CNTN4: variants seen among roughly 807,000 people sequenced by gnomAD.
The protein encoded by CNTN4 is contactin 4, also known as contactin-4.
A neutral mutation model predicts 122.5 loss-of-function variants in CNTN4; 77 were observed. The observed-to-expected ratio is 0.63, with a 90% CI of 0.52 to 0.76. The LOEUF (loss-of-function observed/expected upper bound fraction) is 0.76. CNTN4 is among the 30% of genes least tolerant of loss of function. The pLI, the probability that CNTN4 is intolerant of heterozygous loss-of-function variation, is 0.00. For missense variants in CNTN4, 1,256 were observed against 1,259.1 expected (o/e 1.00, Z 0.04); for synonymous variants, 512 against 447.0 (o/e 1.15, Z -1.83).
intron 3 of CNTN4, among the ~76,000 whole-genome samples, chr3:2,445,254 G>A (rs563933244): frequency 6.6e-6 from 1 of 152,276 alleles, no homozygotes; most frequent in South Asian, 2.1e-4. Context: ...CTGGAGTCAG[G>A]AGATGTGTTT....
At chr3:2,667,872 T>G (rs959543365) in intron 4 of CNTN4, among the ~76,000 whole-genome samples, 2 of 152,140 alleles carry the variant, frequency 1.3e-5, no homozygotes, top group African/African-American at 4.8e-5. Flanking sequence ...TTCTTGTTTT[T>G]ATCAGGTTTG....
chr3:2,648,609 T>C (rs1258268842), intron 4 of CNTN4, among the ~76,000 whole-genome samples: 4 of 152,098 alleles, frequency 2.6e-5, no homozygotes, highest in African/African-American at 9.7e-5. Context: ...CTCTCCCCCA[T>C]CTCTCTCCCT....
intron 2 of CNTN4, among the ~76,000 whole-genome samples, chr3:2,139,110 G>A (rs1004873900): frequency 3.3e-5 from 5 of 152,124 alleles, no homozygotes; most frequent in Non-Finnish European, 7.4e-5. Flanking sequence ...AATGAATCAG[G>A]AGAGCCAGTG....
chr3:2,710,559 T>A (rs2087080537), intron 4 of CNTN4, among the ~76,000 whole-genome samples: 1 of 152,218 alleles, frequency 6.6e-6, no homozygotes, highest in South Asian at 2.1e-4. Context: ...AAGACAAGTG[T>A]TAAAAGGTGT....
At position 2,226,624 on chromosome 3, in the gene CNTN4, C is replaced by T. The variant is rs533671879; in HGVS notation, c.-144-112554C>T. On this transcript the variant is annotated intron_variant, in intron 2 of 24. Coordinates refer to ENST00000418658, the MANE Select transcript of CNTN4 (RefSeq NM_175607.3). ...GAGGCAAACAACCCTTAGATTTCCA[C>T]TGCACCTTCATCATAGGCAAATATT... 3.0e-3 allele frequency among the ~76,000 whole-genome samples: 455 copies of T among 152,252 alleles called. 3 individuals are homozygous for T. The highest frequency in any genetic ancestry group is 0.01 in the African/African-American group (435 of 41,552).
chr3:2,525,011 C>G (rs2077350933), intron 3 of CNTN4, among the ~76,000 whole-genome samples: 1 of 152,044 alleles, frequency 6.6e-6, no homozygotes, highest in Non-Finnish European at 1.5e-5. Flanking sequence ...TTTCTCATCC[C>G]TGAAAGTGCC....
intron 8 of CNTN4, among the ~76,000 whole-genome samples, chr3:2,882,024 A>G (rs1421331824): frequency 6.6e-6 from 1 of 152,230 alleles, no homozygotes; most frequent in African/African-American, 2.4e-5. Flanking sequence ...ATGTATTAGA[A>G]CAATTAGAGC....
At chr3:2,326,370 T>C (rs2043457485) in intron 2 of CNTN4, among the ~76,000 whole-genome samples, 1 of 152,094 alleles carries the variant, frequency 6.6e-6, no homozygotes, top group African/African-American at 2.4e-5. Flanking sequence ...GCCTTTGAAC[T>C]TGGACTGGAA....
At chr3:2,591,754 A>G (rs1202908498) in intron 4 of CNTN4, among the ~76,000 whole-genome samples, 4 of 152,230 alleles carry the variant, frequency 2.6e-5, no homozygotes, top group Non-Finnish European at 5.9e-5. Context: ...AAGAAAAATG[A>G]GATCCCAACT....
intron 8 of CNTN4, among the ~76,000 whole-genome samples, chr3:2,873,698 G>A (rs74598466): frequency 0.018 from 2,675 of 152,244 alleles, 86 homozygotes; most frequent in African/African-American, 0.061. Context: ...TCATGAAAAG[G>A]GAGCTTTATT....
chr3:2,717,121 G>A (rs1003857174), intron 4 of CNTN4, among the ~76,000 whole-genome samples: 3 of 152,006 alleles, frequency 2.0e-5, no homozygotes, highest in African/African-American at 7.3e-5. Context: ...ATTCTCTTGG[G>A]TATTGTGCAA....
chr3:2,449,076 A>G (rs2048730895), intron 3 of CNTN4, among the ~76,000 whole-genome samples: 1 of 152,168 alleles, frequency 6.6e-6, no homozygotes, highest in South Asian at 2.1e-4. Flanking sequence ...CTGTTTAATC[A>G]AAGGATCATG....
chr3:2,592,152 C>G (rs1287681857), intron 4 of CNTN4, among the ~76,000 whole-genome samples: 5 of 152,042 alleles, frequency 3.3e-5, no homozygotes, highest in Non-Finnish European at 7.4e-5. Flanking sequence ...AAGTGTTGGA[C>G]TTAGAGGCAT....
intron 6 of CNTN4, among the ~76,000 whole-genome samples, chr3:2,746,930 AT>A (rs753229947): frequency 2.0e-5 from 3 of 152,188 alleles, no homozygotes; most frequent in African/African-American, 4.8e-5. Context: ...TTGTATCTAT[AT>A]TGATTTTTTA....
At chr3:2,573,742 AG>A (rs2079532371) in intron 4 of CNTN4, among the ~76,000 whole-genome samples, 1 of 152,170 alleles carries the variant, frequency 6.6e-6, no homozygotes, top group African/African-American at 2.4e-5. Context: ...ATAGAGAATC[AG>A]TGTATTGATT....
At chr3:2,613,654 A>G (rs958958981) in intron 4 of CNTN4, among the ~76,000 whole-genome samples, 12 of 152,160 alleles carry the variant, frequency 7.9e-5, no homozygotes, top group Admixed American at 2.6e-4. Context: ...CTATATGATC[A>G]GAGTTACACT....
chr3:2,449,521 A>T (rs1324568786), intron 3 of CNTN4, among the ~76,000 whole-genome samples: 1 of 151,906 alleles, frequency 6.6e-6, no homozygotes, highest in African/African-American at 2.4e-5. Flanking sequence ...AGGTTGAGGC[A>T]AGTGAACTGC....
intron 6 of CNTN4, among the ~76,000 whole-genome samples, chr3:2,792,162 C>G (rs1226640766): frequency 6.6e-6 from 1 of 152,126 alleles, no homozygotes; most frequent in Non-Finnish European, 1.5e-5. Context: ...CTCATGCATC[C>G]CAGCACTTAA....
intron 15 of CNTN4, among the ~76,000 whole-genome samples, chr3:3,027,770 C>T (rs1015103596): frequency 7.2e-5 from 11 of 152,198 alleles, no homozygotes; most frequent in Non-Finnish European, 1.2e-4. Flanking sequence ...TCGAAGTGGA[C>T]GTCCTACCAT....
Sources: gnomAD v4.1 joint callset for allele counts (sites outside exome capture counted in the v4.1 genomes callset) on GRCh38, gnomAD v4.1.1 for gene constraint, MANE v1.5 for transcripts, NCBI Gene and HGNC (gene_info 2026-07-23, HGNC 2026-07-21) for gene names.